CLYBL: variants seen among roughly 807,000 people sequenced by gnomAD.
The protein encoded by CLYBL is citramalyl-CoA lyase.
In CLYBL, 31 loss-of-function variants were observed where a neutral mutation model predicts 38.9. That is an observed-to-expected ratio of 0.80 (90% confidence interval 0.60 to 1.08). The LOEUF is 1.08. Ranked by LOEUF, CLYBL falls within the 50% of genes least tolerant of loss-of-function variation. The pLI is 0.00. For synonymous variants in CLYBL, 171 were observed against 158.6 expected (o/e 1.08, Z -0.59); for missense variants, 434 against 411.6 (o/e 1.05, Z -0.47).
chr13:99,904,751 A>G (rs992096626), intron 8 of CLYBL, among the ~76,000 whole-genome samples: 6 of 152,246 alleles, frequency 3.9e-5, no homozygotes, highest in African/African-American at 1.4e-4. Context: ...AAAACTGTAC[A>G]GTTTTTATGA....
chr13:99,645,193 C>T (rs1442952328), intron 1 of CLYBL, among the ~76,000 whole-genome samples: 4 of 152,128 alleles, frequency 2.6e-5, no homozygotes, highest in Admixed American at 2.6e-4. Flanking sequence ...TATTGCCTAT[C>T]TTTTAGATAA....
intron 1 of CLYBL, among the ~76,000 whole-genome samples, chr13:99,625,176 G>T (rs2046851662): frequency 6.6e-6 from 1 of 152,202 alleles, no homozygotes; most frequent in South Asian, 2.1e-4. Context: ...TGTCCATCGG[G>T]CTGTAAGCTC....
At position 99,847,952 on chromosome 13, in the gene CLYBL, TTGTCTGCCTGTCTGTC is replaced by T. The variant is rs1044457318; in HGVS notation, c.250-10887_250-10872del. ...TGCCCCTGCCCTTCAGGGCTCTCCATTGTCTGCCTGTCTGTCTGTCTGCCTGTCTGTCTGTCTCCTG... is the reference window on the plus strand; with the variant it reads ...TGCCCCTGCCCTTCAGGGCTCTCCATTGTCTGCCTGTCTGTCTGTCTCCTG... On this transcript the variant is annotated intron_variant, in intron 2 of 8. Transcript: ENST00000339105. Among the ~76,000 whole-genome samples the T allele has an allele frequency of 2.9e-4, 44 of 152,290 alleles. 1 individual carries two copies. The highest frequency in any genetic ancestry group is 6.7e-4 in the African/African-American group (28 of 41,554).
At chr13:99,613,077 C>T (rs1165392234) in intron 1 of CLYBL, among the ~76,000 whole-genome samples, 3 of 151,166 alleles carry the variant, frequency 2.0e-5, no homozygotes, top group Non-Finnish European at 4.4e-5. Flanking sequence ...AAAATTCCCT[C>T]TAAGGATTGT....
downstream of CLYBL, among the ~76,000 whole-genome samples, chr13:99,900,092 A>G (rs1427804127): frequency 2.6e-5 from 4 of 151,878 alleles, no homozygotes; most frequent in Admixed American, 2.6e-4. Flanking sequence ...ACAACCTGCT[A>G]ATTTTTGTAT....
At chr13:99,837,807 G>A (rs967842138) in intron 2 of CLYBL, among the ~76,000 whole-genome samples, 7 of 152,162 alleles carry the variant, frequency 4.6e-5, no homozygotes, top group Admixed American at 1.3e-4. Flanking sequence ...TTAGAAGCAC[G>A]TGTCCGAGCC....
chr13:99,773,642 T>G (rs2049449085), intron 2 of CLYBL, among the ~76,000 whole-genome samples: 1 of 152,130 alleles, frequency 6.6e-6, no homozygotes, highest in South Asian at 2.1e-4. Context: ...AGGTCCCTGG[T>G]GCCAAAAAGG....
Position 99,754,416 on chromosome 13 carries a change from CAA to C in CLYBL, c.63-18386_63-18385del, listed in dbSNP as rs1172376194. 9.7e-4 allele frequency among the ~76,000 whole-genome samples: 70 copies of C among 71,872 alleles called. 1 individual carries two copies. The highest frequency in any genetic ancestry group is 2.8e-3 in the South Asian group (5 of 1,792). 47.2% of individuals were successfully genotyped at this position (71,872 alleles called of 152,430 possible). On this transcript the variant is annotated intron_variant, in intron 1 of 8. Transcript: ENST00000339105. ...TGGGCAACAGCGTGAGACCCTGTCTCAAAAAAAAAAAAAAAAAAAAAAAGAGG... is the reference window on the plus strand; with the variant it reads ...TGGGCAACAGCGTGAGACCCTGTCTCAAAAAAAAAAAAAAAAAAAAAGAGG...
At chr13:99,654,430 A>G (rs2047299308) in intron 1 of CLYBL, among the ~76,000 whole-genome samples, 1 of 152,162 alleles carries the variant, frequency 6.6e-6, no homozygotes, top group Non-Finnish European at 1.5e-5. Flanking sequence ...CCGTACCCTC[A>G]TCCCAAGCCC....
chr13:99,821,251 T>G (rs1172414146), intron 2 of CLYBL, among the ~76,000 whole-genome samples: 1 of 152,176 alleles, frequency 6.6e-6, no homozygotes, highest in African/African-American at 2.4e-5. Context: ...TTTTTGGTAC[T>G]GAGGGATGTC....
At chr13:99,794,791 C>T (rs1261750568) in intron 2 of CLYBL, among the ~76,000 whole-genome samples, 2 of 151,934 alleles carry the variant, frequency 1.3e-5, no homozygotes, top group Non-Finnish European at 2.9e-5. Flanking sequence ...AGGATTTCAC[C>T]ATGTTGGCCA....
intron 8 of CLYBL, among the ~76,000 whole-genome samples, chr13:99,904,505 TC>T (rs545142042): frequency 1.2e-3 from 176 of 152,278 alleles, no homozygotes; most frequent in Non-Finnish European, 1.0e-3. Context: ...CACATTCACA[TC>T]CCTGAATGAT....
At chr13:99,890,531 C>A (rs2052462137) in intron 7 of CLYBL, among the ~76,000 whole-genome samples, 1 of 152,000 alleles carries the variant, frequency 6.6e-6, no homozygotes, top group Non-Finnish European at 1.5e-5. Flanking sequence ...AGTGGTGTGA[C>A]CTTGGCTCAC....
At chr13:99,741,545 C>CT (rs904020224) in intron 1 of CLYBL, among the ~76,000 whole-genome samples, 1 of 151,796 alleles carries the variant, frequency 6.6e-6, no homozygotes, top group Non-Finnish European at 1.5e-5. Flanking sequence ...GCATATGTAT[C>CT]TTTTTTTTGG....
intron 1 of CLYBL, among the ~76,000 whole-genome samples, chr13:99,676,186 G>GTCCCTTCCTTCCTTCCTTCCT: frequency 7.5e-6 from 1 of 132,994 alleles, no homozygotes. Flanking sequence ...CCCTCCGTCC[G>GTCCCTTCCTTCCTTCCTTCCT]TCCTTCCTTC....
chr13:99,651,803 G>A (rs563486945), intron 1 of CLYBL, among the ~76,000 whole-genome samples: 5 of 147,398 alleles, frequency 3.4e-5, no homozygotes, highest in East Asian at 2.1e-4. Flanking sequence ...CTGGTGGCAC[G>A]TGCCTGTAAT....
rs1169596428 is a variant in CLYBL at position 99,891,427 on chromosome 13, G to C, written c.*14G>C. The stretch of plus-strand genomic sequence containing the variant: ...AAGGAAAAATGATCTGTTAAATGAA[G>C]CTGTCATCAGGTGGGCTGAACATAT... On this transcript the variant is annotated 3_prime_UTR_variant, in exon 8 of 9. Transcript: ENST00000339105. The C allele has an allele frequency of 1.3e-6, 2 of 1,590,366 alleles. No individual in the cohort carries two copies. Among genetic ancestry groups the C allele is most frequent in the Admixed American group, 3.3e-5 (2 of 59,976 alleles).
intron 1 of CLYBL, among the ~76,000 whole-genome samples, chr13:99,609,214 G>A (rs1373728166): frequency 9.2e-6 from 1 of 108,264 alleles, no homozygotes; most frequent in African/African-American, 3.7e-5. Flanking sequence ...GTCTTGCTCT[G>A]TCACCAGGCT....
intron 7 of CLYBL, 93 bp downstream of exon 7, chr13:99,871,155 A>C (rs1195176023): frequency 1.4e-6 from 2 of 1,412,510 alleles, no homozygotes; most frequent in African/African-American, 1.4e-5. Context: ...GTTTAAGAAA[A>C]CTCATCGTAT....
Sources: allele counts gnomAD v4.1 joint callset (sites outside exome capture counted in the v4.1 genomes callset), GRCh38; gene constraint gnomAD v4.1.1; transcripts MANE v1.5; gene names NCBI Gene and HGNC (gene_info 2026-07-23, HGNC 2026-07-21).